The following LTBR variants were observed in gnomAD, a reference collection of about 807,000 sequenced individuals.
LTBR encodes the protein lymphotoxin beta receptor.
LTBR carries 15 observed loss-of-function variants against 45.4 expected under a neutral mutation model. The observed-to-expected ratio is 0.33, with a 90% CI of 0.22 to 0.51. The LOEUF (loss-of-function observed/expected upper bound fraction) is 0.51, where lower values mean the gene tolerates loss of function less well. Ranked by LOEUF, LTBR falls within the 20% of genes least tolerant of loss-of-function variation. The probability of loss-of-function intolerance (pLI) is 0.97; values close to 1 mark genes in which losing one functional copy is unlikely to be tolerated. For synonymous variants in LTBR, 228 were observed against 231.0 expected, an observed-to-expected ratio of 0.99 and a Z score of 0.12; for missense variants, 450 against 565.5, an observed-to-expected ratio of 0.80 and a Z score of 2.07.
At position 6,384,254 on chromosome 12, in the gene LTBR, C is replaced by T; in HGVS notation, c.-105C>T. 7.1e-7 allele frequency: 1 copy of T among 1,412,752 alleles called. No homozygotes were observed. Among genetic ancestry groups the T allele is most frequent in the East Asian group, 2.7e-5 (1 of 37,552 alleles). The allele number at this position is 1,412,752 out of a possible 1,614,324, so 87.5% of individuals were successfully genotyped here. A position where few individuals can be genotyped will look rare whatever the true frequency, so the allele number is the denominator to read the frequency against. On this transcript the variant is annotated 5_prime_UTR_variant, in exon 1 of 10. Coordinates refer to ENST00000228918, the MANE Select transcript of LTBR (RefSeq NM_002342.3). ...TGCACATCGGCCCTGAGTCCCGTCCCAGGCTCTGGGCTCGGGCAGCCGCCG... is the reference window on the plus strand; with the variant it reads ...TGCACATCGGCCCTGAGTCCCGTCCTAGGCTCTGGGCTCGGGCAGCCGCCG...
At chr12:6,375,316 T>C, upstream of LTBR, 1 of 1,435,794 alleles carries the variant, frequency 7.0e-7, no homozygotes, top group Non-Finnish European at 9.1e-7. Context: ...TTGCCCCCTC[T>C]CACTCTAGGC....
intron 9 of LTBR, 99 bp from the exon 10 acceptor site, chr12:6,390,561 C>T (rs1033151362): frequency 1.9e-5 from 24 of 1,260,292 alleles, no homozygotes; most frequent in Admixed American, 4.7e-5. Flanking sequence ...AGGAGAGGGG[C>T]GGGGCCAGGG....
exon 1 of LTBR, chr12:6,375,547 C>G (rs776185619): frequency 9.8e-6 from 15 of 1,534,824 alleles, no homozygotes; most frequent in African/African-American, 1.4e-5. Context: ...GCCCGCTGGC[C>G]GGCCAGGGAT....
chr12:6,390,302 C>A lies in LTBR; in HGVS notation c.992C>A (p.Pro331Gln). Reference sequence around the variant, plus strand: ...AGTCCTCTGGACCTGACCAGGGAGCCGCAGTTGGAACCCGGGGAGCAGAGC... The same window carrying A: ...AGTCCTCTGGACCTGACCAGGGAGCAGCAGTTGGAACCCGGGGAGCAGAGC... ...QQSPLDLTREPQLEPGEQSQV... is the reference protein window; with the variant it reads ...QQSPLDLTREQQLEPGEQSQV... The change falls in exon 9 of 10, where the codon CCG becomes CAG. Residue 331 changes from proline to glutamine, a missense_variant. Around this residue, in one of 3 missense-constraint regions of LTBR, gnomAD observed 367 missense variants for 435.4 expected, o/e 0.84. Transcript: ENST00000228918. 2 of 1,611,558 alleles carry A rather than the reference C, an allele frequency of 1.2e-6. No individual in the cohort carries two copies. Among genetic ancestry groups the A allele is most frequent in the Non-Finnish European group, 1.7e-6 (2 of 1,178,522 alleles).
chr12:6,375,790 A>G, intron 1 of LTBR: 1 of 1,388,744 alleles, frequency 7.2e-7, no homozygotes, highest in Non-Finnish European at 9.3e-7. Flanking sequence ...GAACAAGTAG[A>G]AGGATCCTGA....
Position 6,385,095 on chromosome 12 carries a change from C to T in LTBR, c.267C>T (p.Asn89=). The change falls in exon 3 of 10, where the codon AAC becomes AAT. Residue 89 remains asparagine, a synonymous_variant. Transcript: ENST00000228918. ...VCATCAENSY[N]EHWNYLTICQ... ...CCACATGTGCCGAGAATTCCTACAA[C>T]GAGCACTGGAACTACCTGACCATCT... 1.9e-6 allele frequency: 3 copies of T among 1,614,222 alleles called. No individual in the cohort carries two copies. Among genetic ancestry groups the T allele is most frequent in the African/African-American group, 2.7e-5 (2 of 75,072 alleles).
chr12:6,379,151 G>C (rs1184290826), intron 1 of LTBR, among the ~76,000 whole-genome samples: 1 of 152,024 alleles, frequency 6.6e-6, no homozygotes, highest in East Asian at 1.9e-4. Context: ...GTATACATCC[G>C]TTTGGGGTCC....
upstream of LTBR, chr12:6,375,173 G>C: frequency 6.9e-7 from 1 of 1,456,004 alleles, no homozygotes; most frequent in Non-Finnish European, 9.0e-7. Flanking sequence ...CTTCCTCCAG[G>C]ATCTGTGTCT....
chr12:6,380,200 G>T (rs1948969777), upstream of LTBR, among the ~76,000 whole-genome samples: 1 of 133,688 alleles, frequency 7.5e-6, no homozygotes, highest in Non-Finnish European at 1.5e-5. Context: ...AATGACTTCT[G>T]GGGGGCAAAG....
At chr12:6,384,019 C>G, upstream of LTBR, 1 of 1,170,728 alleles carries the variant, frequency 8.5e-7, no homozygotes, top group Non-Finnish European at 1.1e-6. Flanking sequence ...GTTCCGGCCC[C>G]GCGGCCCTCA....
At position 6,386,309 on chromosome 12, in the gene LTBR, A is replaced by T; in HGVS notation, c.570-38A>T. ...AGTGGAGTCGGGACACTGGTGGGCCAGGGCGTGAAAAGGTCATCATCTTTT... is the reference window on the plus strand; with the variant it reads ...AGTGGAGTCGGGACACTGGTGGGCCTGGGCGTGAAAAGGTCATCATCTTTT... On this transcript the variant is annotated intron_variant, in intron 5 of 9. Transcript: ENST00000228918. This position sits in a 1 kb window ranked among gnomAD's most constrained non-coding sequence, Gnocchi z 4.1. The T allele has an allele frequency of 6.3e-7, 1 of 1,576,310 alleles. No individual in the cohort carries two copies. Among genetic ancestry groups the T allele is most frequent in the Non-Finnish European group, 8.7e-7 (1 of 1,146,872 alleles).
At chr12:6,377,687 C>A (rs1214179617) in intron 1 of LTBR, 1 of 1,296,888 alleles carries the variant, frequency 7.7e-7, no homozygotes, top group East Asian at 5.4e-5. Flanking sequence ...GTCCTCCCTG[C>A]AATAAGGTGC....
rs1949106818 is a variant in LTBR at position 6,390,945 on chromosome 12, T to G, written c.*8T>G. ...TTTATCACCCATGACTGACTGAGTC[T>G]GAGAAAAGGCAGAAGAAGGGGGGCA... is the stretch of plus-strand genomic sequence containing the variant. On this transcript the variant is annotated 3_prime_UTR_variant, in exon 10 of 10. Transcript: ENST00000228918. 2 of 1,519,286 alleles carry G rather than the reference T, an allele frequency of 1.3e-6. No individual in the cohort carries two copies. Among genetic ancestry groups the G allele is most frequent in the Non-Finnish European group, 1.8e-6 (2 of 1,131,832 alleles). 94.1% of individuals were successfully genotyped at this position (1,519,286 alleles called of 1,614,324 possible). A position where few individuals can be genotyped will look rare whatever the true frequency, so the allele number is the denominator to read the frequency against.
rs1413766556 is a variant in LTBR at position 6,386,451 on chromosome 12, G to C, written c.667+7G>C. On this transcript the variant is annotated splice_region_variant and intron_variant, in intron 6 of 9. Transcript: ENST00000228918. This position sits in a 1 kb window ranked among gnomAD's most constrained non-coding sequence, Gnocchi z 4.1. The stretch of plus-strand genomic sequence containing the variant: ...CTGCCCCCAGAGATGTCAGGTGAGG[G>C]ACCAGGGCTGAGGGACACGGGGGGG... 6.4e-7 allele frequency: 1 copy of C among 1,558,618 alleles called. No homozygotes were observed. Among genetic ancestry groups the C allele is most frequent in the East Asian group, 2.3e-5 (1 of 43,826 alleles).
Position 6,390,775 on chromosome 12 carries a change from C to G in LTBR, c.1146C>G (p.Pro382=), listed in dbSNP as rs745778884. The G allele has an allele frequency of 2.5e-6, 4 of 1,592,514 alleles. No individual in the cohort carries two copies. In the Admixed American group the frequency reaches 5.3e-5, roughly 21 times the overall value. The stretch of plus-strand genomic sequence containing the variant: ...GTCCTGGAGACCTCCCAGCTACCCC[C>G]GAACCTCCATACCCCATTCCCGAAG... The part of the protein sequence containing the change: ...PPGPGDLPAT[P]EPPYPIPEEG... The change falls in exon 10 of 10, where the codon CCC becomes CCG. Residue 382 remains proline, a synonymous_variant. Transcript: ENST00000228918.
chr12:6,384,297 G>A lies in LTBR; in HGVS notation c.-62G>A. 6 of 1,432,116 alleles carry A rather than the reference G, an allele frequency of 4.2e-6. No homozygotes were observed. The highest frequency in any genetic ancestry group is 5.5e-6 in the Non-Finnish European group (6 of 1,098,268). The allele number at this position is 1,432,116 out of a possible 1,614,324, so 88.7% of individuals were successfully genotyped here. On this transcript the variant is annotated 5_prime_UTR_variant, in exon 1 of 10. Coordinates refer to ENST00000228918, the MANE Select transcript of LTBR (RefSeq NM_002342.3). ...AGCCGCCGCCACCGCTGCCCAGGAC[G>A]TCGGGCCTCCTGCCTTCCTCCCAGG...
At position 6,386,220 on chromosome 12, in the gene LTBR, A is replaced by G. The variant is rs1036735907; in HGVS notation, c.569+58A>G. The stretch of plus-strand genomic sequence containing the variant: ...CTCTGAGAAGCCTCAGCTGCTAACA[A>G]CCCCCAGCGCCTATCCTTGACACCA... On this transcript the variant is annotated intron_variant, in intron 5 of 9. Coordinates refer to ENST00000228918, the MANE Select transcript of LTBR (RefSeq NM_002342.3). The surrounding 1 kb of genome is among the most constrained non-coding windows in gnomAD (Gnocchi z 4.1). 1 of 1,515,534 alleles carries G rather than the reference A, an allele frequency of 6.6e-7. No individual in the cohort carries two copies. Among genetic ancestry groups the G allele is most frequent in the East Asian group, 2.3e-5 (1 of 44,278 alleles). 93.9% of individuals were successfully genotyped at this position (1,515,534 alleles called of 1,614,324 possible). A position where few individuals can be genotyped will look rare whatever the true frequency, so the allele number is the denominator to read the frequency against.
rs10161395 is a variant in LTBR at position 6,377,826 on chromosome 12, C to T, written c.39+2232C>T. On this transcript the variant is annotated intron_variant, in intron 1 of 9. Transcript: ENST00000539925. Reference sequence around the variant, plus strand: ...TGGCAAATAGTTTTCATATCAAGGGCTCTGTGAGAAGAATTGCAATGCCTG... The same window carrying T: ...TGGCAAATAGTTTTCATATCAAGGGTTCTGTGAGAAGAATTGCAATGCCTG... 2,312 of 452,456 alleles carry T rather than the reference C, an allele frequency of 5.1e-3. 46 individuals are homozygous for T. The highest frequency in any genetic ancestry group is 0.042 in the African/African-American group (2,113 of 49,752). The allele number at this position is 452,456 out of a possible 1,614,324, so 28.0% of individuals were successfully genotyped here.
chr12:6,381,272 T>A (rs1948981949), upstream of LTBR, among the ~76,000 whole-genome samples: 1 of 152,120 alleles, frequency 6.6e-6, no homozygotes, highest in South Asian at 2.1e-4. Flanking sequence ...TGGCAGGAAC[T>A]AAATAGTGTG....
Sources: gnomAD v4.1 joint callset for allele counts (sites outside exome capture counted in the v4.1 genomes callset) on GRCh38, gnomAD v4.1.1 for gene constraint, gnomAD v4.1.1 regional missense constraint, Gnocchi (gnomAD v3.1) non-coding constraint, MANE v1.5 for transcripts, NCBI Gene and HGNC (gene_info 2026-07-23, HGNC 2026-07-21) for gene names.